The following RANBP2 variants were observed in gnomAD, a reference collection of about 807,000 sequenced individuals.
RANBP2 encodes the protein E3 SUMO-protein ligase RanBP2.
Under a neutral mutation model 303.6 loss-of-function variants are expected in RANBP2, and 57 were observed. That is an observed-to-expected ratio of 0.19 (90% CI 0.15 to 0.23). The LOEUF is 0.23. Among genes scored for constraint, RANBP2 ranks in the 10% least tolerant of loss-of-function variants. The pLI is 1.00. For missense variants in RANBP2, 3,138 were observed against 3,780.8 expected (o/e 0.83, Z 4.46); for synonymous variants, 1,167 against 1,301.5 (o/e 0.90, Z 2.23).
At chr2:109,404,539 A>C in the RANBP2 span, among the ~76,000 whole-genome samples, 1 of 152,086 alleles carries the variant, frequency 6.6e-6, no homozygotes, top group Non-Finnish European at 1.5e-5. Flanking sequence ...GGCCACAAGC[A>C]CAGTCAAGGT....
the RANBP2 span, among the ~76,000 whole-genome samples, chr2:109,236,664 G>A: frequency 0.14 from 21,841 of 152,108 alleles, 3,179 homozygotes; most frequent in African/African-American, 0.36. Flanking sequence ...GATTAAAGAC[G>A]CCTAAAGGTC....
At chr2:109,050,056 T>C in the RANBP2 span, among the ~76,000 whole-genome samples, 1 of 152,180 alleles carries the variant, frequency 6.6e-6, no homozygotes, top group East Asian at 1.9e-4. Context: ...ACTGTGTCTC[T>C]TGGGCCCTCT....
At chr2:108,880,727 G>T in the RANBP2 span, among the ~76,000 whole-genome samples, 4 of 152,136 alleles carry the variant, frequency 2.6e-5, no homozygotes, top group African/African-American at 9.7e-5. Context: ...CTTTAAGCCT[G>T]CTGTTGAGAC....
At chr2:109,025,664 G>C in the RANBP2 span, among the ~76,000 whole-genome samples, 4 of 152,066 alleles carry the variant, frequency 2.6e-5, no homozygotes, top group Admixed American at 6.6e-5. Flanking sequence ...CGGTTGTGGT[G>C]GTGGGCGCCT....
At chr2:109,433,356 G>A in the RANBP2 span, among the ~76,000 whole-genome samples, 1 of 152,218 alleles carries the variant, frequency 6.6e-6, no homozygotes, top group Non-Finnish European at 1.5e-5. Flanking sequence ...TGTTTAATAA[G>A]TTCTCAGTTC....
the RANBP2 span, among the ~76,000 whole-genome samples, chr2:109,406,902 G>A: frequency 4.6e-5 from 7 of 152,150 alleles, no homozygotes; most frequent in Admixed American, 4.6e-4. Context: ...GGAGTCCAGC[G>A]GGGCCTTGAG....
the RANBP2 span, among the ~76,000 whole-genome samples, chr2:109,527,549 G>A: frequency 6.6e-6 from 1 of 152,146 alleles, no homozygotes; most frequent in East Asian, 1.9e-4. Flanking sequence ...GAGAACGGAT[G>A]TCACTGGACC....
chr2:109,335,825 A>T, the RANBP2 span, among the ~76,000 whole-genome samples: 1 of 152,216 alleles, frequency 6.6e-6, no homozygotes, highest in African/African-American at 2.4e-5. Flanking sequence ...TGTAGAGAGG[A>T]TAAGAATGAA....
At chr2:109,140,131 C>T in the RANBP2 span, among the ~76,000 whole-genome samples, 28 of 152,162 alleles carry the variant, frequency 1.8e-4, no homozygotes, top group Admixed American at 1.8e-3. Context: ...TCCACCGTCC[C>T]CTCCTGCACC....
the RANBP2 span, among the ~76,000 whole-genome samples, chr2:108,900,903 A>G: frequency 6.6e-6 from 1 of 152,236 alleles, no homozygotes; most frequent in South Asian, 2.1e-4. Context: ...TGTGAAACAA[A>G]AACTGATAGA....
the RANBP2 span, among the ~76,000 whole-genome samples, chr2:108,810,006 G>C: frequency 9.2e-5 from 14 of 152,204 alleles, no homozygotes; most frequent in African/African-American, 2.9e-4. Flanking sequence ...GGGTTTTGCT[G>C]TATTGGCCAG....
At chr2:109,436,212 A>G in the RANBP2 span, among the ~76,000 whole-genome samples, 1 of 152,348 alleles carries the variant, frequency 6.6e-6, no homozygotes, top group South Asian at 2.1e-4. Flanking sequence ...CTGAATCCAC[A>G]GAAGCTTCCA....
At chr2:108,993,370 G>GT in the RANBP2 span, among the ~76,000 whole-genome samples, 6 of 152,202 alleles carry the variant, frequency 3.9e-5, no homozygotes, top group African/African-American at 1.4e-4. Context: ...CCCAGGAAGG[G>GT]TGGTAGAGAC....
At chr2:109,743,100 CT>C in the RANBP2 span, among the ~76,000 whole-genome samples, 3 of 147,550 alleles carry the variant, frequency 2.0e-5, no homozygotes, top group Non-Finnish European at 3.0e-5. Context: ...GAGAGACCCC[CT>C]GTCTACAAAA....
chr2:109,344,213 C>G, the RANBP2 span, among the ~76,000 whole-genome samples: 1 of 152,144 alleles, frequency 6.6e-6, no homozygotes, highest in African/African-American at 2.4e-5. Flanking sequence ...TCCTGGGGGC[C>G]TTAGTGGCGT....
At chr2:108,985,048 G>T in the RANBP2 span, among the ~76,000 whole-genome samples, 1 of 152,174 alleles carries the variant, frequency 6.6e-6, no homozygotes, top group East Asian at 1.9e-4. Context: ...GTCTGGTTTT[G>T]CATGTCTTTC....
the RANBP2 span, among the ~76,000 whole-genome samples, chr2:109,041,792 C>T: frequency 6.9e-3 from 1,035 of 150,508 alleles, 6 homozygotes; most frequent in East Asian, 0.035. Context: ...CTGCCCACCT[C>T]GGCCTCCCAA....
At chr2:109,468,874 A>C in the RANBP2 span, among the ~76,000 whole-genome samples, 1 of 151,006 alleles carries the variant, frequency 6.6e-6, no homozygotes, top group Admixed American at 6.6e-5. Context: ...AAAAAAAAAA[A>C]AAGTTAAATT....
chr2:109,677,188 C>G, the RANBP2 span, among the ~76,000 whole-genome samples: 1 of 152,154 alleles, frequency 6.6e-6, no homozygotes, highest in Admixed American at 6.5e-5. Flanking sequence ...CCAGGTAGAA[C>G]TGGAAGCTCC....
Sources: gnomAD v4.1 joint callset for allele counts (sites outside exome capture counted in the v4.1 genomes callset) on GRCh38, gnomAD v4.1.1 for gene constraint, MANE v1.5 for transcripts, NCBI Gene and HGNC (gene_info 2026-07-23, HGNC 2026-07-21) for gene names.